STPG2: variants seen among roughly 807,000 people sequenced by gnomAD.
STPG2 encodes the protein sperm-tail PG-rich repeat-containing protein 2.
STPG2 carries 56 observed loss-of-function variants against 54.2 expected under a neutral mutation model. The observed-to-expected ratio is 1.03, with a 90% CI of 0.83 to 1.29. The LOEUF (loss-of-function observed/expected upper bound fraction) is 1.29. Ranked by LOEUF, STPG2 falls within the 50% of genes most tolerant of loss-of-function variation. The pLI, the probability that STPG2 is intolerant of heterozygous loss-of-function variation, is 0.00. For synonymous variants in STPG2, 200 were observed against 181.8 expected, an observed-to-expected ratio of 1.10 and a Z score of -0.81; for missense variants, 596 against 544.9, an observed-to-expected ratio of 1.09 and a Z score of -0.93.
At chr4:97,555,683 T>C (rs1732062147), downstream of STPG2, among the ~76,000 whole-genome samples, 1 of 152,150 alleles carries the variant, frequency 6.6e-6, no homozygotes, top group Admixed American at 6.5e-5. Flanking sequence ...AAAATCAACA[T>C]GTATTGAGTG....
intron 7 of STPG2, among the ~76,000 whole-genome samples, chr4:97,945,562 T>G (rs1352898562): frequency 1.3e-5 from 2 of 152,158 alleles, no homozygotes; most frequent in Non-Finnish European, 2.9e-5. Context: ...TTATTTTCCA[T>G]TGGGTAAATA....
rs1731945796 is a variant in STPG2 at position 97,550,710 on chromosome 4, G to A, written c.462+161989C>T. Among the ~76,000 whole-genome samples the A allele has an allele frequency of 2.0e-5, 3 of 152,174 alleles. No individual in the cohort carries two copies. In the South Asian group the frequency reaches 6.2e-4, roughly 31 times the overall value. On this transcript the variant is annotated intron_variant, in intron 4 of 4. Transcript: ENST00000522676. The stretch of plus-strand genomic sequence containing the variant: ...ACAGTTCTTAAAGATGGTGTGTCCA[G>A]AGTTTGTTCCTTCAGATGTTCAGAT...
intron 10 of STPG2, among the ~76,000 whole-genome samples, chr4:97,663,673 A>G (rs952651546): frequency 6.6e-6 from 1 of 152,304 alleles, no homozygotes; most frequent in African/African-American, 2.4e-5. Context: ...AATCATTGCC[A>G]ATCCCAAAGG....
intron 10 of STPG2, among the ~76,000 whole-genome samples, chr4:97,676,630 G>A (rs1305580121): frequency 6.6e-6 from 1 of 151,936 alleles, no homozygotes; most frequent in Non-Finnish European, 1.5e-5. Flanking sequence ...AGATTAAAAG[G>A]CAGTAAAACC....
At chr4:97,742,062 T>C (rs1725258802) in intron 9 of STPG2, among the ~76,000 whole-genome samples, 1 of 151,880 alleles carries the variant, frequency 6.6e-6, no homozygotes, top group South Asian at 2.1e-4. Context: ...ATGTCCTTTG[T>C]AGGGACATGG....
At chr4:97,978,376 A>G (rs777098576) in intron 6 of STPG2, among the ~76,000 whole-genome samples, 2 of 152,194 alleles carry the variant, frequency 1.3e-5, no homozygotes, top group Non-Finnish European at 2.9e-5. Flanking sequence ...GGATGGAGCT[A>G]CAGGCCATTA....
chr4:97,473,540 C>T (rs183942399), intron 4 of STPG2, among the ~76,000 whole-genome samples: 271 of 152,274 alleles, frequency 1.8e-3, no homozygotes, highest in African/African-American at 6.4e-3. Context: ...AAGATGTTAT[C>T]AATGACAATG....
At chr4:97,998,025 A>G (rs1234230173) in intron 5 of STPG2, among the ~76,000 whole-genome samples, 1 of 152,204 alleles carries the variant, frequency 6.6e-6, no homozygotes, top group African/African-American at 2.4e-5. Flanking sequence ...GGCTATTTCA[A>G]AAATGCGGTC....
At position 97,630,971 on chromosome 4, in the gene STPG2, T is replaced by C. The variant is rs186427570; in HGVS notation, c.1321-71854A>G. On this transcript the variant is annotated intron_variant, in intron 10 of 10. Coordinates refer to ENST00000295268, the MANE Select transcript of STPG2 (RefSeq NM_174952.3). Reference sequence around the variant, plus strand: ...GAAAGTGATAAAATGTTTGTGGTTCTGTGATCAGATAAGAAGCAAAGACTT... The same window carrying C: ...GAAAGTGATAAAATGTTTGTGGTTCCGTGATCAGATAAGAAGCAAAGACTT... 5.7e-3 allele frequency among the ~76,000 whole-genome samples: 860 copies of C among 152,058 alleles called. 7 individuals are homozygous for C. Among genetic ancestry groups the C allele is most frequent in the Middle Eastern group, 0.02 (6 of 294 alleles).
intron 10 of STPG2, among the ~76,000 whole-genome samples, chr4:97,699,791 T>C (rs1484120685): frequency 6.6e-6 from 1 of 152,164 alleles, no homozygotes; most frequent in Non-Finnish European, 1.5e-5. Context: ...GAACTCCCCA[T>C]GAGGCCATCA....
intron 9 of STPG2, among the ~76,000 whole-genome samples, chr4:97,767,224 T>C (rs993867131): frequency 6.6e-6 from 1 of 152,186 alleles, no homozygotes; most frequent in Non-Finnish European, 1.5e-5. Flanking sequence ...TACCAAAATG[T>C]TGATTAAATA....
At chr4:97,630,040 G>C (rs775664361) in intron 10 of STPG2, among the ~76,000 whole-genome samples, 2 of 151,912 alleles carry the variant, frequency 1.3e-5, no homozygotes, top group Non-Finnish European at 2.9e-5. Context: ...AGCACCAGCT[G>C]TTAGGTTTAT....
Position 98,120,548 on chromosome 4 carries a change from A to G in STPG2, c.387+7880T>C, listed in dbSNP as rs115655430. 3.9e-3 allele frequency among the ~76,000 whole-genome samples: 588 copies of G among 152,258 alleles called. 1 individual carries two copies. Among genetic ancestry groups the G allele is most frequent in the Middle Eastern group, 0.014 (4 of 294 alleles). On this transcript the variant is annotated intron_variant, in intron 3 of 10. Coordinates refer to ENST00000295268, the MANE Select transcript of STPG2 (RefSeq NM_174952.3). ...CCACCAACAGTGTAAAGGCATTCCT[A>G]TTTCTCTGCAACCTTGCCAGCATCT...
chr4:97,867,610 A>C (rs1729838466), intron 8 of STPG2, among the ~76,000 whole-genome samples: 1 of 152,062 alleles, frequency 6.6e-6, no homozygotes, highest in Admixed American at 6.6e-5. Context: ...ACATAACAGA[A>C]GCCTTATTAC....
intron 10 of STPG2, among the ~76,000 whole-genome samples, chr4:97,645,022 T>C (rs1721870416): frequency 6.6e-6 from 1 of 152,070 alleles, no homozygotes. Flanking sequence ...TAAAGGAAGC[T>C]GAGATGTGCT....
chr4:97,739,264 A>G (rs1191944019), intron 9 of STPG2, among the ~76,000 whole-genome samples: 2 of 152,214 alleles, frequency 1.3e-5, no homozygotes, highest in Non-Finnish European at 2.9e-5. Context: ...GAAAGCAGGA[A>G]AGATCCAAAA....
chr4:97,743,241 A>G (rs1044509323), intron 9 of STPG2, among the ~76,000 whole-genome samples: 14 of 151,604 alleles, frequency 9.2e-5, no homozygotes, highest in African/African-American at 2.9e-4. Flanking sequence ...ATGTTGCCCA[A>G]TAGGTTAGTT....
chr4:97,955,504 C>T (rs185012330), intron 7 of STPG2, among the ~76,000 whole-genome samples: 11 of 152,130 alleles, frequency 7.2e-5, no homozygotes, highest in East Asian at 1.9e-4. Flanking sequence ...TGTGAGCCAC[C>T]GCACCCGGCC....
intron 9 of STPG2, among the ~76,000 whole-genome samples, chr4:97,760,129 T>C (rs886457023): frequency 6.6e-6 from 1 of 152,190 alleles, no homozygotes; most frequent in African/African-American, 2.4e-5. Context: ...TTTTCGCACA[T>C]CTAAATAGAA....
Sources: gnomAD v4.1 joint callset for allele counts (sites outside exome capture counted in the v4.1 genomes callset) on GRCh38, gnomAD v4.1.1 for gene constraint, MANE v1.5 for transcripts, NCBI Gene and HGNC (gene_info 2026-07-23, HGNC 2026-07-21) for gene names.